The following PACRG variants were observed in gnomAD, a reference collection of about 807,000 sequenced individuals.
PACRG encodes the protein parkin coregulated gene protein.
Under a neutral mutation model 29.7 loss-of-function variants are expected in PACRG, and 29 were observed. The observed-to-expected ratio is 0.98, with a 90% confidence interval of 0.73 to 1.33. The LOEUF is 1.33. Ranked by LOEUF, PACRG falls within the 40% of genes most tolerant of loss-of-function variation. The pLI is 0.00. For synonymous variants in PACRG, 116 were observed against 118.7 expected (o/e 0.98, Z 0.15); for missense variants, 279 against 316.2 (o/e 0.88, Z 0.89).
At position 162,969,046 on chromosome 6, in the gene PACRG, C is replaced by CAAAA. The variant is rs35665491; in HGVS notation, c.292-93087_292-93084dup. 1.5e-4 allele frequency among the ~76,000 whole-genome samples: 11 copies of CAAAA among 72,838 alleles called. 1 individual carries two copies. Among genetic ancestry groups the CAAAA allele is most frequent in the African/African-American group, 3.0e-4 (5 of 16,746 alleles). 47.8% of individuals were successfully genotyped at this position (72,838 alleles called of 152,430 possible). On this transcript the variant is annotated intron_variant, in intron 2 of 4. Coordinates refer to ENST00000366888, the MANE Select transcript of PACRG (RefSeq NM_001080379.2). ...TGGGGAACAGAGCGAGACTCTATCACAAAAAAAAAAAAAAAAAAAAGTAAC... is the reference window on the plus strand; with the variant it reads ...TGGGGAACAGAGCGAGACTCTATCACAAAAAAAAAAAAAAAAAAAAAAAAGTAAC...
chr6:162,849,666 G>A (rs1790699355), intron 2 of PACRG, among the ~76,000 whole-genome samples: 1 of 152,180 alleles, frequency 6.6e-6, no homozygotes. Flanking sequence ...CTTTCTAAAA[G>A]TACAGAGATT....
At chr6:163,059,079 CAA>C (rs572558082) in intron 2 of PACRG, among the ~76,000 whole-genome samples, 15 of 68,344 alleles carry the variant, frequency 2.2e-4, no homozygotes, top group Admixed American at 3.3e-4. Flanking sequence ...AACTCCATCT[CAA>C]AAAAAAAAAA....
At chr6:162,874,936 TACAC>T (rs1433276993) in intron 2 of PACRG, among the ~76,000 whole-genome samples, 1 of 151,620 alleles carries the variant, frequency 6.6e-6, no homozygotes, top group Non-Finnish European at 1.5e-5. Flanking sequence ...CACACACACA[TACAC>T]TCACACAGTC....
intron 4 of PACRG, chr6:163,182,893 C>G (rs960556663): frequency 6.6e-6 from 1 of 152,150 alleles, no homozygotes; most frequent in Non-Finnish European, 1.5e-5. Flanking sequence ...ACCAAAAGAT[C>G]GGGAGATGAG....
At chr6:162,819,871 A>G (rs1202549833) in intron 2 of PACRG, among the ~76,000 whole-genome samples, 1 of 152,236 alleles carries the variant, frequency 6.6e-6, no homozygotes, top group Non-Finnish European at 1.5e-5. Flanking sequence ...TGTTGGTGGA[A>G]TACTTCAAAG....
chr6:163,006,581 G>A (rs1805138396), intron 2 of PACRG, among the ~76,000 whole-genome samples: 1 of 151,426 alleles, frequency 6.6e-6, no homozygotes, highest in Non-Finnish European at 1.5e-5. Context: ...AATTCTTTTT[G>A]CAATTCTATT....
At chr6:162,754,671 A>T (rs1027559017) in intron 1 of PACRG, among the ~76,000 whole-genome samples, 1 of 151,336 alleles carries the variant, frequency 6.6e-6, no homozygotes, top group African/African-American at 2.4e-5. Context: ...GCCTAATTTT[A>T]TTCTTCTGCA....
At chr6:163,312,584 C>T in intron 4 of PACRG, among the ~76,000 whole-genome samples, 1 of 152,156 alleles carries the variant, frequency 6.6e-6, no homozygotes, top group Non-Finnish European at 1.5e-5. Context: ...CGCCTCCGAA[C>T]ACCATGTCAA....
At chr6:163,193,890 CT>C (rs746859009) in intron 4 of PACRG, among the ~76,000 whole-genome samples, 30 of 111,488 alleles carry the variant, frequency 2.7e-4, no homozygotes, top group South Asian at 2.4e-3. Context: ...CTTTTTGTTT[CT>C]TTTTTTTTTT....
chr6:163,096,858 A>T (rs144929232), intron 4 of PACRG, among the ~76,000 whole-genome samples: 1 of 152,256 alleles, frequency 6.6e-6, no homozygotes, highest in African/African-American at 2.4e-5. Flanking sequence ...CATAATTAAC[A>T]TCTAAGATGA....
chr6:162,742,122 T>C (rs1370411848), intron 1 of PACRG, among the ~76,000 whole-genome samples: 1 of 152,164 alleles, frequency 6.6e-6, no homozygotes, highest in Admixed American at 6.5e-5. Context: ...CTGGCTTTTC[T>C]AGATTCCACG....
At chr6:163,030,775 C>T (rs560957611) in intron 2 of PACRG, among the ~76,000 whole-genome samples, 2 of 152,276 alleles carry the variant, frequency 1.3e-5, no homozygotes, top group South Asian at 4.2e-4. Flanking sequence ...CCTGATGTTG[C>T]CATGGCATTT....
At chr6:162,732,548 T>C (rs1372864970) in intron 1 of PACRG, among the ~76,000 whole-genome samples, 2 of 152,178 alleles carry the variant, frequency 1.3e-5, no homozygotes, top group African/African-American at 4.8e-5. Flanking sequence ...ATTAGAAGTG[T>C]CTAGCTCCAG....
chr6:163,189,834 G>A (rs1480162095), intron 4 of PACRG: 1 of 152,164 alleles, frequency 6.6e-6, no homozygotes, highest in Non-Finnish European at 1.5e-5. Context: ...CACTGTCCCG[G>A]GCTTATGTGA....
chr6:162,866,063 T>C (rs1182383460), intron 2 of PACRG, among the ~76,000 whole-genome samples: 1 of 152,216 alleles, frequency 6.6e-6, no homozygotes, highest in Non-Finnish European at 1.5e-5. Flanking sequence ...ATGTTGAGAA[T>C]ATTTTCAGCA....
chr6:162,750,128 A>C (rs984708816), intron 1 of PACRG, among the ~76,000 whole-genome samples: 1 of 152,232 alleles, frequency 6.6e-6, no homozygotes, highest in African/African-American at 2.4e-5. Context: ...TTCCGTGTAC[A>C]TAAAACTTAA....
chr6:163,111,517 G>A (rs1815713254), intron 4 of PACRG, among the ~76,000 whole-genome samples: 1 of 152,178 alleles, frequency 6.6e-6, no homozygotes, highest in African/African-American at 2.4e-5. Context: ...CATAAACTTA[G>A]AACTGATAGG....
intron 4 of PACRG, among the ~76,000 whole-genome samples, chr6:163,186,080 G>T (rs1296692429): frequency 3.3e-5 from 5 of 152,136 alleles, no homozygotes; most frequent in Non-Finnish European, 7.4e-5. Flanking sequence ...TTAACTCTCA[G>T]CTCAGCTTGC....
chr6:162,838,404 A>G (rs1789434290), intron 2 of PACRG, among the ~76,000 whole-genome samples: 1 of 152,160 alleles, frequency 6.6e-6, no homozygotes, highest in Non-Finnish European at 1.5e-5. Context: ...TTATGGTCCC[A>G]GACTAGAGGT....
Sources: gnomAD v4.1 joint callset for allele counts (sites outside exome capture counted in the v4.1 genomes callset) on GRCh38, gnomAD v4.1.1 for gene constraint, MANE v1.5 for transcripts, NCBI Gene and HGNC (gene_info 2026-07-23, HGNC 2026-07-21) for gene names.